Variants in ACBD6 observed in about 807,000 individuals in gnomAD.
The protein encoded by ACBD6 is acyl-CoA binding domain containing 6, also known as acyl-CoA-binding domain-containing protein 6.
A neutral mutation model predicts 37.2 loss-of-function variants in ACBD6; 28 were observed. That is an observed-to-expected ratio of 0.75 (90% CI 0.56 to 1.03). The LOEUF (loss-of-function observed/expected upper bound fraction) is 1.03. ACBD6 is among the 50% of genes least tolerant of loss of function. The pLI, the probability that ACBD6 is intolerant of heterozygous loss-of-function variation, is 0.00. For synonymous variants in ACBD6, 113 were observed against 126.8 expected (o/e 0.89, Z 0.73); for missense variants, 340 against 337.4 (o/e 1.01, Z -0.06).
chr1:180,372,457 G>A (rs1319185165), intron 6 of ACBD6, among the ~76,000 whole-genome samples: 1 of 152,068 alleles, frequency 6.6e-6, no homozygotes, highest in Admixed American at 6.5e-5. Context: ...CTAATTCCAT[G>A]AAATTAATGT....
chr1:180,414,661 A>G (rs942672659), intron 4 of ACBD6, among the ~76,000 whole-genome samples: 2 of 152,234 alleles, frequency 1.3e-5, no homozygotes, highest in South Asian at 2.1e-4. Context: ...AAAAATCTAC[A>G]CAGGATTAAC....
At chr1:180,307,392 A>G (rs1250534628) in intron 7 of ACBD6, among the ~76,000 whole-genome samples, 1 of 152,196 alleles carries the variant, frequency 6.6e-6, no homozygotes, top group Non-Finnish European at 1.5e-5. Flanking sequence ...GGAAATGGGG[A>G]TGGTTAATGG....
intron 6 of ACBD6, among the ~76,000 whole-genome samples, chr1:180,347,185 C>G (rs1033184375): frequency 6.6e-6 from 1 of 152,008 alleles, no homozygotes; most frequent in Non-Finnish European, 1.5e-5. Flanking sequence ...CATAAAGAGC[C>G]TGAAATAGGC....
At chr1:180,348,329 T>C (rs1652271286) in intron 6 of ACBD6, among the ~76,000 whole-genome samples, 1 of 152,204 alleles carries the variant, frequency 6.6e-6, no homozygotes, top group Non-Finnish European at 1.5e-5. Flanking sequence ...ACAAGAGCTC[T>C]GGACTGTGAG....
At chr1:180,486,138 G>C (rs894542501) in intron 3 of ACBD6, among the ~76,000 whole-genome samples, 1 of 152,110 alleles carries the variant, frequency 6.6e-6, no homozygotes, top group African/African-American at 2.4e-5. Flanking sequence ...TGTGTATGCA[G>C]GAAGCCATCT....
rs752871534 is a variant in ACBD6, at chr1:180,302,045, G to C, written c.694+12647C>G. 7.3e-5 allele frequency among the ~76,000 whole-genome samples: 11 copies of C among 151,668 alleles called. 1 individual carries two copies. Among genetic ancestry groups the C allele is most frequent in the Non-Finnish European group, 1.6e-4 (11 of 67,904 alleles). ...CTTTTTATAATAGATTTATTGGGGG[G>C]GGAGGGTGGAGGGATAGCATTAGGA... is the stretch of plus-strand genomic sequence containing the variant. On this transcript the variant is annotated intron_variant, in intron 7 of 7. Coordinates refer to ENST00000367595, the MANE Select transcript of ACBD6 (RefSeq NM_032360.4).
At chr1:180,312,790 T>G (rs879462411) in intron 7 of ACBD6, among the ~76,000 whole-genome samples, 1 of 152,178 alleles carries the variant, frequency 6.6e-6, no homozygotes, top group Non-Finnish European at 1.5e-5. Flanking sequence ...TGTCAGACAT[T>G]GTTCCAAGCA....
chr1:180,502,444 G>A lies in ACBD6; in HGVS notation c.-178C>T, dbSNP rs1652026618. On this transcript the variant is annotated 5_prime_UTR_variant, in exon 1 of 8. Transcript: ENST00000367595. Reference sequence around the variant, plus strand: ...TGCTCCCTGCCCACTTCTACTCCCTGGGCGTGCAGAGCAGGCTCCTCGACC... The same window carrying A: ...TGCTCCCTGCCCACTTCTACTCCCTAGGCGTGCAGAGCAGGCTCCTCGACC... 2 of 701,806 alleles carry A rather than the reference G, an allele frequency of 2.8e-6. No homozygotes were observed. The highest frequency in any genetic ancestry group is 2.7e-5 in the East Asian group (1 of 36,810). The allele number at this position is 701,806 out of a possible 1,614,324, so 43.5% of individuals were successfully genotyped here.
chr1:180,447,008 C>T (rs1649501329), intron 3 of ACBD6, among the ~76,000 whole-genome samples: 1 of 152,046 alleles, frequency 6.6e-6, no homozygotes, highest in Non-Finnish European at 1.5e-5. Context: ...CCCCGACAGT[C>T]CAGCCTGGGT....
intron 6 of ACBD6, among the ~76,000 whole-genome samples, chr1:180,390,754 T>G (rs1654042113): frequency 6.6e-6 from 1 of 152,202 alleles, no homozygotes; most frequent in African/African-American, 2.4e-5. Flanking sequence ...TATTTTATTC[T>G]CTTTGAAACA....
At chr1:180,310,360 C>A (rs1558243846) in intron 7 of ACBD6, among the ~76,000 whole-genome samples, 1 of 152,078 alleles carries the variant, frequency 6.6e-6, no homozygotes, top group African/African-American at 2.4e-5. Context: ...AACACTGACT[C>A]ACAAACAAAC....
chr1:180,486,460 G>A (rs1321855549), intron 3 of ACBD6, among the ~76,000 whole-genome samples: 2 of 152,198 alleles, frequency 1.3e-5, no homozygotes, highest in African/African-American at 2.4e-5. Flanking sequence ...AACTTACCAG[G>A]TTCCAGGTAG....
intron 6 of ACBD6, among the ~76,000 whole-genome samples, chr1:180,359,900 A>C (rs1377320441): frequency 6.6e-6 from 1 of 152,216 alleles, no homozygotes; most frequent in Non-Finnish European, 1.5e-5. Flanking sequence ...AGTATTTTTA[A>C]GTAAAATATT....
rs143616348 is a variant in ACBD6 at position 180,340,575 on chromosome 1, A to G, written c.664-25853T>C. ...ATAAATGGGCAAGGGGCTAGAGGAT[A>G]GCAGTATAACTGTATCCTGATGGAA... On this transcript the variant is annotated intron_variant, in intron 6 of 7. Transcript: ENST00000367595. 6.0e-4 allele frequency among the ~76,000 whole-genome samples: 91 copies of G among 150,642 alleles called. 1 individual carries two copies. In the East Asian group the frequency reaches 0.016, roughly 26 times the overall value.
intron 6 of ACBD6, among the ~76,000 whole-genome samples, chr1:180,365,783 A>C (rs1653031250): frequency 6.6e-6 from 1 of 152,198 alleles, no homozygotes; most frequent in African/African-American, 2.4e-5. Flanking sequence ...CATATGGTCC[A>C]TAAGTATATT....
In ACBD6 at chr1:180,495,495, G is replaced by T. The variant is rs1280724797; in HGVS notation, c.253C>A (p.Pro85Thr). 4 of 1,610,622 alleles carry T rather than the reference G, an allele frequency of 2.5e-6. No homozygotes were observed. The Admixed American group carries it at 6.7e-5, about 27-fold the overall frequency. ...VKVGNCNTPK[P>T]SFFDFEGKQK... ...TTTCCTTCAAAATCAAAGAAGCTTG[G>T]TTTAGGAGTATTACAATTTCCAACT... The change falls in exon 2 of 8, where the codon CCA becomes ACA. Residue 85 changes from proline to threonine, a missense_variant. Pro to Thr is a conservative substitution (Grantham distance 38). Coordinates refer to ENST00000367595, the MANE Select transcript of ACBD6 (RefSeq NM_032360.4).
At chr1:180,274,810 G>T in exon 10 of ACBD6, 1 of 520,570 alleles carries the variant, frequency 1.9e-6, no homozygotes, top group Non-Finnish European at 3.4e-6. Flanking sequence ...GGGGGTAATG[G>T]CCTAGAGCTC....
intron 3 of ACBD6, chr1:180,434,825 A>G (rs568303831): frequency 1.2e-5 from 9 of 731,130 alleles, no homozygotes; most frequent in South Asian, 7.0e-5. Flanking sequence ...ACGAATGCCA[A>G]TCTTGGCAAA....
chr1:180,491,022 T>TA (rs555797363), intron 3 of ACBD6, among the ~76,000 whole-genome samples: 7 of 150,878 alleles, frequency 4.6e-5, no homozygotes, highest in Admixed American at 4.6e-4. Flanking sequence ...GTCATATCAT[T>TA]AAAGATATCC....
Sources: allele counts gnomAD v4.1 joint callset (sites outside exome capture counted in the v4.1 genomes callset), GRCh38; gene constraint gnomAD v4.1.1; transcripts MANE v1.5; gene names NCBI Gene and HGNC (gene_info 2026-07-23, HGNC 2026-07-21).